The following YAF2 variants were observed in gnomAD, a reference collection of about 807,000 sequenced individuals.
YAF2 encodes the protein YY1 associated factor 2.
Under a neutral mutation model 20.1 loss-of-function variants are expected in YAF2, and 7 were observed. The observed-to-expected ratio is 0.35, with a 90% CI of 0.20 to 0.65. The LOEUF (loss-of-function observed/expected upper bound fraction) is 0.65. YAF2 is among the 30% of genes least tolerant of loss of function. The pLI is 0.69. For synonymous variants in YAF2, 74 were observed against 76.0 expected, an observed-to-expected ratio of 0.97 and a Z score of 0.14; for missense variants, 151 against 219.2, an observed-to-expected ratio of 0.69 and a Z score of 1.96.
chr12:42,210,591 C>A, intron 2 of YAF2: 1 of 1,536,092 alleles, frequency 6.5e-7, no homozygotes, highest in Non-Finnish European at 8.7e-7. Context: ...GTCCTCGAGG[C>A]ACTCACAATA....
In YAF2 at chr12:42,157,271, A is replaced by T. The variant is rs780698256; in HGVS notation, c.*3318T>A. The stretch of plus-strand genomic sequence containing the variant: ...AGAACACAAGAAGCATCCTCACTTC[A>T]TAACAACCCACTCTTGTGAGAATTC... On this transcript the variant is annotated 3_prime_UTR_variant, in exon 4 of 4. Coordinates refer to ENST00000534854, the MANE Select transcript of YAF2 (RefSeq NM_005748.6). The T allele has an allele frequency of 1.3e-5, 2 of 152,292 alleles. No individual in the cohort carries two copies. The highest frequency in any genetic ancestry group is 2.9e-5 in the Non-Finnish European group (2 of 68,074). 9.4% of individuals were successfully genotyped at this position (152,292 alleles called of 1,614,324 possible).
intron 2 of YAF2, among the ~76,000 whole-genome samples, chr12:42,183,626 AAG>A (rs2066400007): frequency 6.6e-6 from 1 of 152,222 alleles, no homozygotes; most frequent in Non-Finnish European, 1.5e-5. Flanking sequence ...TGAAGGCTGA[AAG>A]AGGTGAGGAA....
At position 42,176,270 on chromosome 12, in the gene YAF2, C is replaced by T. The variant is rs552337122; in HGVS notation, c.153-14505G>A. Among the ~76,000 whole-genome samples the T allele has an allele frequency of 2.7e-5, 4 of 150,914 alleles. 1 individual carries two copies. The highest frequency in any genetic ancestry group is 7.3e-5 in the African/African-American group (3 of 41,048). ...ATGAGTAGCTGGGACTACAGGAGTG[C>T]ACCATCACGCCAGCTAATTTTTGTA... On this transcript the variant is annotated intron_variant, in intron 2 of 3. Transcript: ENST00000534854.
intron 2 of YAF2, among the ~76,000 whole-genome samples, chr12:42,192,302 G>A (rs2066634250): frequency 1.3e-5 from 2 of 151,486 alleles, no homozygotes; most frequent in Admixed American, 1.3e-4. Context: ...GAGCCCAGGA[G>A]ATCAAGACCA....
chr12:42,222,055 C>T lies in YAF2; in HGVS notation c.152+15544G>A, dbSNP rs112374101. ...ACAATATTGTAGAATGAAGTACATA[C>T]AGAATCTTTTAAAACATGATTATAA... On this transcript the variant is annotated intron_variant, in intron 2 of 3. Transcript: ENST00000534854. Among the ~76,000 whole-genome samples, 1,303 of 152,266 alleles carry T rather than the reference C, an allele frequency of 8.6e-3. 21 individuals carry two copies. The highest frequency in any genetic ancestry group is 0.029 in the African/African-American group (1,207 of 41,556).
chr12:42,204,017 T>C (rs1197423311), intron 2 of YAF2, among the ~76,000 whole-genome samples: 1 of 152,114 alleles, frequency 6.6e-6, no homozygotes. Flanking sequence ...TGCCTGTGAA[T>C]AGCCACTGCA....
At chr12:42,175,719 C>T (rs796075307) in intron 2 of YAF2, among the ~76,000 whole-genome samples, 24 of 76,970 alleles carry the variant, frequency 3.1e-4, no homozygotes, top group African/African-American at 8.4e-4. Flanking sequence ...TCCAGCCTGG[C>T]GACAGAGCAA....
intron 2 of YAF2, among the ~76,000 whole-genome samples, chr12:42,171,846 C>G (rs1390847830): frequency 6.6e-6 from 1 of 151,920 alleles, no homozygotes; most frequent in Non-Finnish European, 1.5e-5. Flanking sequence ...TGCCTGTAGT[C>G]CCAGCTACCC....
intron 2 of YAF2, among the ~76,000 whole-genome samples, chr12:42,228,285 G>A (rs1221184659): frequency 1.7e-5 from 1 of 58,370 alleles, no homozygotes; most frequent in Non-Finnish European, 2.9e-5. Context: ...CGCCCCGTCC[G>A]GGAGGGAGGT....
intron 2 of YAF2, chr12:42,235,011 A>C (rs1037680071): frequency 1.0e-6 from 1 of 985,450 alleles, no homozygotes; most frequent in Non-Finnish European, 1.2e-6. Flanking sequence ...GAAAAAAAGA[A>C]GACTTCAAAG....
chr12:42,172,074 T>C (rs1413637300), intron 2 of YAF2: 1 of 152,254 alleles, frequency 6.6e-6, no homozygotes, highest in Non-Finnish European at 1.5e-5. Flanking sequence ...TGCTCTATGC[T>C]CTTTCTATAT....
At chr12:42,215,463 T>C (rs570558423) in intron 2 of YAF2, among the ~76,000 whole-genome samples, 1 of 152,214 alleles carries the variant, frequency 6.6e-6, no homozygotes, top group Non-Finnish European at 1.5e-5. Flanking sequence ...TAGCTGTTAC[T>C]TTATAGAACA....
At position 42,201,623 on chromosome 12, in the gene YAF2, G is replaced by A. The variant is rs376053874; in HGVS notation, c.152+35976C>T. 2.6e-5 allele frequency among the ~76,000 whole-genome samples: 4 copies of A among 152,126 alleles called. No homozygotes were observed. In the East Asian group the frequency reaches 5.8e-4, roughly 22 times the overall value. ...TTGTTGTTGTTGAGCCCAGGCTGGA[G>A]GGCAGTGGCACAATCTTGGCTCACT... is the stretch of plus-strand genomic sequence containing the variant. On this transcript the variant is annotated intron_variant, in intron 2 of 3. Coordinates refer to ENST00000534854, the MANE Select transcript of YAF2 (RefSeq NM_005748.6).
intron 2 of YAF2, chr12:42,235,719 C>T (rs2068128649): frequency 6.5e-7 from 1 of 1,534,026 alleles, no homozygotes; most frequent in African/African-American, 1.4e-5. Flanking sequence ...GTAATGTTTC[C>T]ACCACTAAAA....
chr12:42,238,235 A>G lies in YAF2; in HGVS notation c.-55T>C, dbSNP rs1172657477. 3 of 1,290,110 alleles carry G rather than the reference A, an allele frequency of 2.3e-6. No individual in the cohort carries two copies. The highest frequency in any genetic ancestry group is 3.2e-5 in the African/African-American group (2 of 61,834). 79.9% of individuals were successfully genotyped at this position (1,290,110 alleles called of 1,614,324 possible). On this transcript the variant is annotated 5_prime_UTR_variant, in exon 1 of 4. Transcript: ENST00000534854. ...GCCGCCGCGACCGCTCTGTTTGTCA[A>G]TAAGGAGGATAATAAGCCGGGCGGA...
intron 2 of YAF2, among the ~76,000 whole-genome samples, chr12:42,165,476 T>C (rs1197017702): frequency 6.6e-6 from 1 of 152,082 alleles, no homozygotes; most frequent in African/African-American, 2.4e-5. Flanking sequence ...TTTTTGTTTT[T>C]GTTTTGAGAT....
chr12:42,177,374 C>T (rs1396892501), intron 2 of YAF2, among the ~76,000 whole-genome samples: 1 of 152,102 alleles, frequency 6.6e-6, no homozygotes, highest in Non-Finnish European at 1.5e-5. Flanking sequence ...AGTAGGGTTC[C>T]GCTTCTACTC....
At chr12:42,215,227 G>T (rs564245589) in intron 2 of YAF2, among the ~76,000 whole-genome samples, 1 of 152,110 alleles carries the variant, frequency 6.6e-6, no homozygotes, top group Non-Finnish European at 1.5e-5. Context: ...AAATAACTTT[G>T]TTATTCAGCA....
chr12:42,212,965 A>G (rs569113494), intron 2 of YAF2, among the ~76,000 whole-genome samples: 1 of 152,350 alleles, frequency 6.6e-6, no homozygotes, highest in African/African-American at 2.4e-5. Context: ...ACATAGCACA[A>G]AGGTCTTATA....
Sources: gnomAD v4.1 joint callset for allele counts (sites outside exome capture counted in the v4.1 genomes callset) on GRCh38, gnomAD v4.1.1 for gene constraint, MANE v1.5 for transcripts, NCBI Gene and HGNC (gene_info 2026-07-23, HGNC 2026-07-21) for gene names.